Variants in ZFYVE26 observed in about 807,000 individuals in gnomAD.
The protein encoded by ZFYVE26 is zinc finger FYVE-type containing 26.
ZFYVE26 carries 181 observed loss-of-function variants against 276.5 expected under a neutral mutation model. The observed-to-expected ratio is 0.65, with a 90% CI of 0.58 to 0.74. The LOEUF is 0.74. ZFYVE26 is among the 30% of genes least tolerant of loss of function. The pLI, the probability that ZFYVE26 is intolerant of heterozygous loss-of-function variation, is 0.00. For synonymous variants in ZFYVE26, 1,129 were observed against 1,203.1 expected, an observed-to-expected ratio of 0.94 and a Z score of 1.27; for missense variants, 2,821 against 3,097.9, an observed-to-expected ratio of 0.91 and a Z score of 2.12.
intron 35 of ZFYVE26, chr14:67,761,044 G>C (rs1336380851): frequency 3.4e-6 from 2 of 595,492 alleles, no homozygotes; most frequent in Non-Finnish European, 3.0e-6. Flanking sequence ...ATATGCCCAA[G>C]GCCACACAAG....
intron 16 of ZFYVE26, among the ~76,000 whole-genome samples, chr14:67,787,985 C>T (rs1308214863): frequency 1.3e-5 from 2 of 152,182 alleles, no homozygotes; most frequent in Non-Finnish European, 2.9e-5. Context: ...CTCACTGGCC[C>T]TAAACTCTTT....
intron 8 of ZFYVE26, 36 bp downstream of exon 8, chr14:67,805,181 C>T (rs768934510): frequency 5.0e-6 from 8 of 1,601,762 alleles, no homozygotes; most frequent in Admixed American, 1.7e-5. Flanking sequence ...CAGCTGTGCC[C>T]TGTGGTGGGC....
At chr14:67,740,867 C>T (rs888973451) in intron 13 of ZFYVE26, among the ~76,000 whole-genome samples, 4 of 151,956 alleles carry the variant, frequency 2.6e-5, no homozygotes, top group African/African-American at 9.7e-5. Context: ...CGAGATCACA[C>T]CACTGCACTC....
chr14:67,762,963 T>G, intron 32 of ZFYVE26, 144 bp from the exon 33 acceptor site: 5 of 1,187,134 alleles, frequency 4.2e-6, no homozygotes, highest in Non-Finnish European at 6.0e-6. Context: ...AGTGCAGTGG[T>G]CCGATCTCGG....
chr14:67,783,217 G>C lies in ZFYVE26; in HGVS notation c.3935C>G (p.Ser1312Ter). The change falls in exon 21 of 42, where the codon TCA becomes TGA. Residue 1312 changes from serine (S) to a stop codon, truncating the protein, a stop_gained. Coordinates refer to ENST00000347230, the MANE Select transcript of ZFYVE26 (RefSeq NM_015346.4). LOFTEE classifies it high-confidence loss of function. Reference protein sequence around the residue: ...SSALAFLKSRSKLLATVACLG... With the variant: ...SSALAFLKSR ...GCAGGCCACCGTAGCTAGGAGCTTT[G>C]AGCGTGACTTAAGAAAGGCCAAGGC... The C allele has an allele frequency of 6.2e-7, 1 of 1,613,692 alleles. No homozygotes were observed. The highest frequency in any genetic ancestry group is 1.1e-5 in the South Asian group (1 of 91,046).
At chr14:67,814,540 C>CAAAA (rs1464066489) in intron 2 of ZFYVE26, among the ~76,000 whole-genome samples, 1 of 151,834 alleles carries the variant, frequency 6.6e-6, no homozygotes, top group Non-Finnish European at 1.5e-5. Context: ...AACAAACAAA[C>CAAAA]AAACAAACAA....
At position 67,816,034 on chromosome 14, in the gene ZFYVE26, C is replaced by T. The variant is rs1477013924; in HGVS notation, c.-71G>A. ...CGAACACATTCTCAATGTTCTCATT[C>T]GCGGAGTACCTCCTAGAAACAACAC... is the stretch of plus-strand genomic sequence containing the variant. On this transcript the variant is annotated 5_prime_UTR_variant, in exon 2 of 42. Coordinates refer to ENST00000347230, the MANE Select transcript of ZFYVE26 (RefSeq NM_015346.4). The T allele has an allele frequency of 2.3e-6, 3 of 1,294,446 alleles. No homozygotes were observed. Among genetic ancestry groups the T allele is most frequent in the Non-Finnish European group, 3.2e-6 (3 of 935,542 alleles). 80.2% of individuals were successfully genotyped at this position (1,294,446 alleles called of 1,614,324 possible). A position where few individuals can be genotyped will look rare whatever the true frequency, so the allele number is the denominator to read the frequency against.
chr14:67,794,556 G>C (rs1836084441), intron 12 of ZFYVE26, among the ~76,000 whole-genome samples: 2 of 152,338 alleles, frequency 1.3e-5, no homozygotes, highest in South Asian at 4.1e-4. Flanking sequence ...AGCACTGGCA[G>C]TATTCTGAAA....
intron 23 of ZFYVE26, 64 bp from the exon 24 acceptor site, chr14:67,778,312 T>C: frequency 6.2e-7 from 1 of 1,609,254 alleles, no homozygotes; most frequent in Admixed American, 1.7e-5. Flanking sequence ...TCAGCAGTCT[T>C]GAGTCTACAA....
rs554845632 is a variant in ZFYVE26, at chr14:67,804,032, C to T, written c.1435+69G>A. 14 of 1,596,258 alleles carry T rather than the reference C, an allele frequency of 8.8e-6. No homozygotes were observed. The African/African-American group carries it at 1.6e-4, about 18-fold the overall frequency. On this transcript the variant is annotated intron_variant, in intron 9 of 41. Transcript: ENST00000347230. ...TCAGCAATCACATCTGGATAAATCTCATGCTGGAAGAAATGTGTAAGAATG... is the reference window on the plus strand; with the variant it reads ...TCAGCAATCACATCTGGATAAATCTTATGCTGGAAGAAATGTGTAAGAATG...
At chr14:67,806,907 C>G (rs1285187502) in intron 5 of ZFYVE26, among the ~76,000 whole-genome samples, 1 of 152,128 alleles carries the variant, frequency 6.6e-6, no homozygotes, top group Non-Finnish European at 1.5e-5. Context: ...ACACCTCTAT[C>G]TTACACTAGA....
In ZFYVE26 at chr14:67,766,350, T is replaced by C. The variant is rs766070954; in HGVS notation, c.5888A>G (p.Lys1963Arg). The C allele has an allele frequency of 1.2e-6, 2 of 1,613,254 alleles. No individual in the cohort carries two copies. The highest frequency in any genetic ancestry group is 1.7e-6 in the Non-Finnish European group (2 of 1,180,036). Residue 1963 changes from lysine (K) to arginine (R), a missense_variant, in exon 32 of 42, where the codon AAG (lysine) becomes AGG (arginine). By Grantham distance (26) the Lys-to-Arg change is conservative (BLOSUM62 2). Coordinates refer to ENST00000347230, the MANE Select transcript of ZFYVE26 (RefSeq NM_015346.4). ...QLIEHCCRLS[K>R]GLTNPEVDAG... ...ATCCACCTCTGGGTTGGTGAGGCCC[T>C]TGGAGAGCCTGCAGCAGTGCTCAAT...
At chr14:67,739,152 T>A (rs2038385858) in intron 13 of ZFYVE26, among the ~76,000 whole-genome samples, 1 of 152,184 alleles carries the variant, frequency 6.6e-6, no homozygotes, top group South Asian at 2.1e-4. Context: ...AGGAAAGGCT[T>A]CCTCATTGGT....
intron 32 of ZFYVE26, among the ~76,000 whole-genome samples, 191 bp from the exon 33 acceptor site, chr14:67,763,010 C>A (rs1423015972): frequency 6.6e-6 from 1 of 152,248 alleles, no homozygotes; most frequent in Non-Finnish European, 1.5e-5. Context: ...TCAAACGATT[C>A]TTCTGTCTCA....
rs1205453449 is a variant in ZFYVE26 at position 67,771,384 on chromosome 14, C to T, written c.5484+663G>A. On this transcript the variant is annotated intron_variant, in intron 28 of 41. Transcript: ENST00000347230. ...CTTTATCCAGTCTACAGTGGATGGG[C>T]ATCAAAGTGACTTTAAAGTACTGCT... Among the ~76,000 whole-genome samples, 6 of 152,286 alleles carry T rather than the reference C, an allele frequency of 3.9e-5. No homozygotes were observed. In the East Asian group the frequency reaches 9.6e-4, roughly 24 times the overall value.
intron 13 of ZFYVE26, among the ~76,000 whole-genome samples, chr14:67,730,375 T>G (rs775962040): frequency 7.9e-5 from 12 of 152,190 alleles, no homozygotes; most frequent in Non-Finnish European, 1.8e-4. Flanking sequence ...AAGTGTACAG[T>G]GCATACCAGA....
chr14:67,762,925 C>A, intron 32 of ZFYVE26, 106 bp from the exon 33 acceptor site: 1 of 1,495,182 alleles, frequency 6.7e-7, no homozygotes. Flanking sequence ...TGTTTTGAAA[C>A]AGAGTCTCGT....
intron 10 of ZFYVE26, chr14:67,798,969 AGGGGC>A: frequency 8.9e-7 from 1 of 1,123,178 alleles, no homozygotes; most frequent in Non-Finnish European, 1.3e-6. Flanking sequence ...TTTCGGTGGG[AGGGGC>A]GGGGGTGATT....
At chr14:67,736,459 T>C (rs755637839) in intron 13 of ZFYVE26, among the ~76,000 whole-genome samples, 3 of 152,048 alleles carry the variant, frequency 2.0e-5, no homozygotes, top group Non-Finnish European at 2.9e-5. Context: ...AAATGAAACA[T>C]AAAGTTAGAT....
Sources: allele counts gnomAD v4.1 joint callset (sites outside exome capture counted in the v4.1 genomes callset), GRCh38; gene constraint gnomAD v4.1.1; transcripts MANE v1.5; gene names NCBI Gene and HGNC (gene_info 2026-07-23, HGNC 2026-07-21).